ANKS1B: variants seen among roughly 807,000 people sequenced by gnomAD.
The protein encoded by ANKS1B is ankyrin repeat and sterile alpha motif domain-containing protein 1B.
Under a neutral mutation model 148.3 loss-of-function variants are expected in ANKS1B, and 36 were observed. The observed-to-expected ratio is 0.24, with a 90% CI of 0.19 to 0.32. The LOEUF is 0.32. Among genes scored for constraint, ANKS1B ranks in the 10% least tolerant of loss-of-function variants. The pLI is 1.00. For missense variants in ANKS1B, 1,157 were observed against 1,542.6 expected (o/e 0.75, Z 4.19); for synonymous variants, 542 against 560.8 (o/e 0.97, Z 0.47).
chr12:99,278,623 T>C (rs1474126782), intron 12 of ANKS1B, among the ~76,000 whole-genome samples: 1 of 152,170 alleles, frequency 6.6e-6, no homozygotes, highest in Non-Finnish European at 1.5e-5. Flanking sequence ...AAGAAGACTT[T>C]GAAACCTCCC....
rs765322126 is a variant in ANKS1B, at chr12:99,443,831, C to T, written c.1439-22G>A. ...TTATCTGTGAATAAAAATAGAACTG[C>T]CATGAACCTAATCACTCAGTTTACC... On this transcript the variant is annotated intron_variant, in intron 10 of 26. Coordinates refer to ENST00000683438, the MANE Select transcript of ANKS1B (RefSeq NM_001352186.2). The T allele has an allele frequency of 2.5e-6, 4 of 1,596,744 alleles. No homozygotes were observed. The Admixed American group carries it at 7.0e-5, about 28-fold the overall frequency.
intron 12 of ANKS1B, among the ~76,000 whole-genome samples, chr12:99,387,874 T>TTTTTTTTTTTTTTTTTTTTTTTTG (rs1310198385): frequency 5.9e-5 from 9 of 151,756 alleles, no homozygotes; most frequent in Non-Finnish European, 1.0e-4. Context: ...AATTGTAATT[T>TTTTTTTTTTTTTTTTTTTTTTTTG]ACCAAGTAGA....
chr12:99,656,779 TAAAAAG>T (rs548088609), intron 8 of ANKS1B, among the ~76,000 whole-genome samples: 66 of 152,160 alleles, frequency 4.3e-4, no homozygotes, highest in Admixed American at 1.4e-3. Context: ...TATGCATAAA[TAAAAAG>T]AAATACACTA....
intron 1 of ANKS1B, among the ~76,000 whole-genome samples, chr12:99,954,789 A>T (rs1175741420): frequency 6.6e-6 from 1 of 152,276 alleles, no homozygotes; most frequent in Non-Finnish European, 1.5e-5. Context: ...TGCAAAGGAA[A>T]ACCCCACCCC....
chr12:99,408,739 T>C (rs2094590793), intron 11 of ANKS1B, among the ~76,000 whole-genome samples: 1 of 145,826 alleles, frequency 6.9e-6, no homozygotes. Context: ...CGAACCGATA[T>C]GAGAAAAGGT....
At chr12:99,718,830 G>T (rs1213614131) in intron 8 of ANKS1B, among the ~76,000 whole-genome samples, 4 of 152,170 alleles carry the variant, frequency 2.6e-5, no homozygotes, top group African/African-American at 9.7e-5. Context: ...ACACCCATCA[G>T]GCTCAGCAAA....
chr12:98,926,001 G>C lies in ANKS1B; in HGVS notation c.2779-93865C>G, dbSNP rs145384364. Among the ~76,000 whole-genome samples the C allele has an allele frequency of 4.5e-3, 683 of 152,142 alleles. 4 individuals carry two copies. The highest frequency in any genetic ancestry group is 0.016 in the African/African-American group (668 of 41,504). ...CTGGATAATGAGATGTGTTTAGGGGGGTTTGAAAAGCTCTGATAGATTTCT... is the reference window on the plus strand; with the variant it reads ...CTGGATAATGAGATGTGTTTAGGGGCGTTTGAAAAGCTCTGATAGATTTCT... On this transcript the variant is annotated intron_variant, in intron 17 of 26. Transcript: ENST00000683438.
At chr12:99,428,909 T>C (rs974454078) in intron 11 of ANKS1B, among the ~76,000 whole-genome samples, 1 of 151,804 alleles carries the variant, frequency 6.6e-6, no homozygotes, top group African/African-American at 2.4e-5. Context: ...GCTCAAAGAG[T>C]GATGGAGATA....
chr12:99,672,138 T>C (rs145931777), intron 8 of ANKS1B, among the ~76,000 whole-genome samples: 1 of 152,170 alleles, frequency 6.6e-6, no homozygotes, highest in African/African-American at 2.4e-5. Context: ...AATGCCAGAA[T>C]TGGAATACCT....
At chr12:99,961,249 A>G (rs1291292741) in intron 1 of ANKS1B, among the ~76,000 whole-genome samples, 1 of 152,078 alleles carries the variant, frequency 6.6e-6, no homozygotes, top group Non-Finnish European at 1.5e-5. Flanking sequence ...AAACAAAACA[A>G]AACAAGACAA....
At chr12:99,242,118 T>A (rs980458457) in intron 14 of ANKS1B, among the ~76,000 whole-genome samples, 1 of 152,338 alleles carries the variant, frequency 6.6e-6, no homozygotes, top group East Asian at 1.9e-4. Flanking sequence ...TGTTTGCAGA[T>A]GATATGATTG....
intron 9 of ANKS1B, among the ~76,000 whole-genome samples, chr12:99,505,231 C>G (rs1046180883): frequency 6.6e-6 from 1 of 152,046 alleles, no homozygotes; most frequent in Non-Finnish European, 1.5e-5. Context: ...AGAATGGCAA[C>G]AGAAGGATAA....
chr12:99,453,939 A>T (rs1170927415), intron 10 of ANKS1B, among the ~76,000 whole-genome samples: 2 of 152,234 alleles, frequency 1.3e-5, no homozygotes, highest in Non-Finnish European at 2.9e-5. Flanking sequence ...GCAGAAAGTT[A>T]GGTTATAGGC....
intron 15 of ANKS1B, among the ~76,000 whole-genome samples, chr12:99,121,321 ATGTGTG>A (rs57560069): frequency 0.04 from 5,691 of 142,828 alleles, 222 homozygotes; most frequent in African/African-American, 0.088. Flanking sequence ...GTATGTAGGT[ATGTGTG>A]TGTGTGTGTG....
intron 20 of ANKS1B, among the ~76,000 whole-genome samples, chr12:98,804,482 T>C (rs931448021): frequency 6.6e-6 from 1 of 152,120 alleles, no homozygotes; most frequent in African/African-American, 2.4e-5. Flanking sequence ...AGATGTTAAT[T>C]CTTCTTTTTG....
At chr12:98,784,808 A>G (rs2098774865) in intron 22 of ANKS1B, among the ~76,000 whole-genome samples, 1 of 152,192 alleles carries the variant, frequency 6.6e-6, no homozygotes, top group Non-Finnish European at 1.5e-5. Context: ...TTTTTCTTCC[A>G]TGGGTCCCAG....
intron 10 of ANKS1B, among the ~76,000 whole-genome samples, chr12:99,467,212 A>C (rs888440806): frequency 2.0e-5 from 3 of 152,240 alleles, no homozygotes; most frequent in Non-Finnish European, 4.4e-5. Context: ...CAATAGATGC[A>C]GAAAAGGCCT....
At chr12:99,267,337 T>C (rs1458294385) in intron 12 of ANKS1B, among the ~76,000 whole-genome samples, 3 of 152,132 alleles carry the variant, frequency 2.0e-5, no homozygotes. Context: ...TGCCTAATTT[T>C]TTTTCTCTCC....
chr12:99,348,234 C>A (rs1261944134), intron 12 of ANKS1B, among the ~76,000 whole-genome samples: 2 of 151,878 alleles, frequency 1.3e-5, no homozygotes, highest in East Asian at 3.9e-4. Flanking sequence ...ATCTAGCTAT[C>A]GGAATCCCAG....
Sources: gnomAD v4.1 joint callset for allele counts (sites outside exome capture counted in the v4.1 genomes callset) on GRCh38, gnomAD v4.1.1 for gene constraint, MANE v1.5 for transcripts, NCBI Gene and HGNC (gene_info 2026-07-23, HGNC 2026-07-21) for gene names.